The following TMEM135 variants were observed in gnomAD, a reference collection of about 807,000 sequenced individuals.
The protein encoded by TMEM135 is transmembrane protein 135.
A neutral mutation model predicts 60.3 loss-of-function variants in TMEM135; 30 were observed. The ratio of observed to expected loss-of-function variants is 0.50; its 90% CI spans 0.37 to 0.68. TMEM135 has a LOEUF of 0.68. TMEM135 is among the 30% of genes least tolerant of loss of function. TMEM135 has a pLI of 0.00. For missense variants in TMEM135, 468 were observed against 548.8 expected (o/e 0.85, Z 1.47); for synonymous variants, 190 against 186.7 (o/e 1.02, Z -0.14).
intron 6 of TMEM135, among the ~76,000 whole-genome samples, chr11:87,263,043 G>A (rs1211652106): frequency 6.6e-6 from 1 of 151,190 alleles, no homozygotes; most frequent in Non-Finnish European, 1.5e-5. Context: ...TATGTAATAT[G>A]TAAGCCAGTT....
At chr11:87,184,285 A>G (rs989153016) in intron 5 of TMEM135, among the ~76,000 whole-genome samples, 1 of 152,190 alleles carries the variant, frequency 6.6e-6, no homozygotes, top group African/African-American at 2.4e-5. Flanking sequence ...TAGCCTTTCT[A>G]TTTAATATTA....
chr11:87,121,966 A>AGTAG (rs1937604754), intron 4 of TMEM135, among the ~76,000 whole-genome samples: 1 of 152,274 alleles, frequency 6.6e-6, no homozygotes, highest in African/African-American at 2.4e-5. Context: ...GGTAGATCAT[A>AGTAG]GTAGGACTAG....
chr11:87,067,182 C>G (rs1220489003), intron 1 of TMEM135, among the ~76,000 whole-genome samples: 1 of 146,564 alleles, frequency 6.8e-6, no homozygotes, highest in Non-Finnish European at 1.5e-5. Flanking sequence ...TATATATACA[C>G]ACACTATGTA....
chr11:87,167,814 C>T (rs996702497), intron 5 of TMEM135, among the ~76,000 whole-genome samples: 1 of 152,132 alleles, frequency 6.6e-6, no homozygotes, highest in East Asian at 1.9e-4. Flanking sequence ...CAGGATGATG[C>T]TGGCCTCATA....
intron 4 of TMEM135, among the ~76,000 whole-genome samples, chr11:87,119,885 T>A (rs35505248): frequency 0.51 from 75,328 of 148,926 alleles, 19,134 homozygotes; most frequent in East Asian, 0.67. Context: ...TTTACTTTTT[T>A]AAAAAAAAAA....
At chr11:87,152,567 C>T (rs651961) in intron 4 of TMEM135, among the ~76,000 whole-genome samples, 55,975 of 151,964 alleles carry the variant, frequency 0.37, 10,846 homozygotes, top group East Asian at 0.67. Flanking sequence ...GCCTTCCAAG[C>T]AGCTGGGATT....
At chr11:87,221,490 T>A (rs1195962929) in intron 5 of TMEM135, among the ~76,000 whole-genome samples, 1 of 152,204 alleles carries the variant, frequency 6.6e-6, no homozygotes, top group Non-Finnish European at 1.5e-5. Flanking sequence ...TTTCCAGATT[T>A]TAATTCCTAA....
chr11:87,293,418 C>T (rs921414972), intron 6 of TMEM135, among the ~76,000 whole-genome samples: 1 of 151,392 alleles, frequency 6.6e-6, no homozygotes, highest in Non-Finnish European at 1.5e-5. Context: ...AAACGAGATA[C>T]ATGTGCAGAA....
At chr11:87,115,199 T>C (rs1344753061) in intron 4 of TMEM135, among the ~76,000 whole-genome samples, 4 of 152,110 alleles carry the variant, frequency 2.6e-5, no homozygotes, top group Non-Finnish European at 5.9e-5. Context: ...TTAAGAAACA[T>C]CTCTCTGCTA....
rs78302087 is a variant in TMEM135, at chr11:87,266,144, A to C, written c.509+29460A>C. ...CCTACTGTTTATAGTTAAGGATTTT[A>C]AATCTACATATGCTCTTGAGGAGCC... On this transcript the variant is annotated intron_variant, in intron 6 of 14. Transcript: ENST00000305494. 6.5e-3 allele frequency among the ~76,000 whole-genome samples: 991 copies of C among 152,312 alleles called. 12 individuals carry two copies. Among genetic ancestry groups the C allele is most frequent in the African/African-American group, 0.023 (950 of 41,586 alleles).
At chr11:87,272,455 G>GT (rs1004680316) in intron 6 of TMEM135, among the ~76,000 whole-genome samples, 13 of 151,038 alleles carry the variant, frequency 8.6e-5, no homozygotes, top group South Asian at 8.4e-4. Flanking sequence ...TCTTAAAAAA[G>GT]TTTTTTTTTA....
At chr11:87,038,439 G>C (rs1468197754) in intron 1 of TMEM135, among the ~76,000 whole-genome samples, 1 of 152,040 alleles carries the variant, frequency 6.6e-6, no homozygotes, top group Admixed American at 6.6e-5. Flanking sequence ...GCTAGGAAGA[G>C]GATGGCTCCC....
At chr11:87,128,456 T>G (rs1392132403) in intron 4 of TMEM135, among the ~76,000 whole-genome samples, 1 of 152,198 alleles carries the variant, frequency 6.6e-6, no homozygotes, top group Non-Finnish European at 1.5e-5. Context: ...ATTCTCTTCC[T>G]ACTAAGAGAA....
At chr11:87,133,800 T>C (rs1419937702) in intron 4 of TMEM135, among the ~76,000 whole-genome samples, 1 of 42,188 alleles carries the variant, frequency 2.4e-5, no homozygotes, top group Non-Finnish European at 5.1e-5. Flanking sequence ...ACATACTCTC[T>C]TTTTTTATCT....
intron 4 of TMEM135, among the ~76,000 whole-genome samples, chr11:87,142,389 G>A (rs1462667446): frequency 6.6e-6 from 1 of 152,174 alleles, no homozygotes; most frequent in Non-Finnish European, 1.5e-5. Context: ...AAGTGCTACT[G>A]GAAAAGGCTG....
At chr11:87,300,812 C>T (rs1415326770) in intron 7 of TMEM135, among the ~76,000 whole-genome samples, 1 of 152,202 alleles carries the variant, frequency 6.6e-6, no homozygotes. Context: ...ACTGTACTGG[C>T]AGTTCATTGG....
At chr11:87,234,146 C>T (rs868638007) in intron 5 of TMEM135, among the ~76,000 whole-genome samples, 1 of 151,960 alleles carries the variant, frequency 6.6e-6, no homozygotes, top group Non-Finnish European at 1.5e-5. Flanking sequence ...TGGCTTTTCT[C>T]TTATAGTGTC....
intron 5 of TMEM135, among the ~76,000 whole-genome samples, chr11:87,200,281 A>G (rs1466711883): frequency 1.3e-5 from 2 of 152,180 alleles, no homozygotes; most frequent in East Asian, 1.9e-4. Context: ...ACCCAAAAAT[A>G]TAATAAGAAA....
At chr11:87,145,495 A>G (rs1274822177) in intron 4 of TMEM135, among the ~76,000 whole-genome samples, 2 of 152,018 alleles carry the variant, frequency 1.3e-5, no homozygotes, top group Non-Finnish European at 2.9e-5. Context: ...AGTGTTTTTG[A>G]GAAACTTCTA....
Sources: gnomAD v4.1 joint callset for allele counts (sites outside exome capture counted in the v4.1 genomes callset) on GRCh38, gnomAD v4.1.1 for gene constraint, MANE v1.5 for transcripts, NCBI Gene and HGNC (gene_info 2026-07-23, HGNC 2026-07-21) for gene names.